Variants in TCERG1L observed in about 807,000 individuals in gnomAD.
The protein encoded by TCERG1L is transcription elongation regulator 1 like.
TCERG1L carries 37 observed loss-of-function variants against 56.3 expected under a neutral mutation model. The ratio of observed to expected loss-of-function variants is 0.66; its 90% CI spans 0.51 to 0.87. The LOEUF (loss-of-function observed/expected upper bound fraction) is 0.87, where lower values mean the gene tolerates loss of function less well. TCERG1L is among the 40% of genes least tolerant of loss of function. TCERG1L has a pLI of 0.00. For synonymous variants in TCERG1L, 324 were observed against 326.3 expected, an observed-to-expected ratio of 0.99 and a Z score of 0.08; for missense variants, 799 against 774.2, an observed-to-expected ratio of 1.03 and a Z score of -0.38.
intron 4 of TCERG1L, among the ~76,000 whole-genome samples, chr10:131,170,916 G>A (rs1200361467): frequency 1.3e-5 from 2 of 152,168 alleles, no homozygotes; most frequent in Non-Finnish European, 2.9e-5. Flanking sequence ...GGGAGGCCGA[G>A]GTGGGCGGAT....
At chr10:131,104,837 A>C (rs1282821611) in intron 9 of TCERG1L, among the ~76,000 whole-genome samples, 7 of 152,264 alleles carry the variant, frequency 4.6e-5, no homozygotes, top group Non-Finnish European at 1.0e-4. Context: ...GACGTACTAA[A>C]AATTTGCAAG....
At chr10:131,234,330 A>G (rs1471728224) in intron 4 of TCERG1L, among the ~76,000 whole-genome samples, 1 of 152,256 alleles carries the variant, frequency 6.6e-6, no homozygotes, top group Non-Finnish European at 1.5e-5. Flanking sequence ...TAATTTTACC[A>G]ATGTAATTTC....
At chr10:131,107,956 T>TACAC (rs59364659) in intron 9 of TCERG1L, among the ~76,000 whole-genome samples, 24,457 of 146,730 alleles carry the variant, frequency 0.17, 2,195 homozygotes, top group South Asian at 0.28. Context: ...CATGTGTGCC[T>TACAC]ACACACACAC....
Position 131,311,018 on chromosome 10 carries a change from T to C in TCERG1L, c.342+276A>G, listed in dbSNP as rs1846885616. ...GACCCCCGGCGTGGCGCGAGTTCCC[T>C]GCGGTCCCCACGCGGGCCTGGGCGG... On this transcript the variant is annotated intron_variant, in intron 1 of 11. Coordinates refer to ENST00000368642, the MANE Select transcript of TCERG1L (RefSeq NM_174937.4). The surrounding 1 kb of genome is among the most constrained non-coding windows in gnomAD (Gnocchi z 4.0). 6.6e-6 allele frequency among the ~76,000 whole-genome samples: 1 copy of C among 152,170 alleles called. No homozygotes were observed. The highest frequency in any genetic ancestry group is 1.5e-5 in the Non-Finnish European group (1 of 68,020).
chr10:131,108,171 A>G lies in TCERG1L; in HGVS notation c.1396-3817T>C, dbSNP rs535126334. Among the ~76,000 whole-genome samples, 3 of 152,330 alleles carry G rather than the reference A, an allele frequency of 2.0e-5. No individual in the cohort carries two copies. In the South Asian group the frequency reaches 6.2e-4, roughly 32 times the overall value. ...TGTTTCTGGCTGGTACCTGTCCAGA[A>G]TGACTGGAATGCACTGGGAATGCAA... On this transcript the variant is annotated intron_variant, in intron 9 of 11. Coordinates refer to ENST00000368642, the MANE Select transcript of TCERG1L (RefSeq NM_174937.4).
chr10:131,215,905 C>A (rs1278321889), intron 4 of TCERG1L, among the ~76,000 whole-genome samples: 1 of 152,176 alleles, frequency 6.6e-6, no homozygotes, highest in Admixed American at 6.5e-5. Flanking sequence ...GAGCAACCAG[C>A]TTGCCACTTG....
rs376352114 is a variant in TCERG1L, at chr10:131,192,743, G to A, written c.857-25858C>T. ...GCTGGAGTCCATTATTCTAAGTGAA[G>A]TAGTAACACAGGAGTGGAAAACCAA... On this transcript the variant is annotated intron_variant, in intron 4 of 11. Coordinates refer to ENST00000368642, the MANE Select transcript of TCERG1L (RefSeq NM_174937.4). 2.0e-4 allele frequency among the ~76,000 whole-genome samples: 29 copies of A among 144,686 alleles called. No homozygotes were observed. In the East Asian group the frequency reaches 4.1e-3, roughly 20 times the overall value. The allele number at this position is 144,686 out of a possible 152,430, so 94.9% of individuals were successfully genotyped here.
At chr10:131,229,681 T>G (rs959663676) in intron 4 of TCERG1L, among the ~76,000 whole-genome samples, 1 of 152,018 alleles carries the variant, frequency 6.6e-6, no homozygotes, top group African/African-American at 2.4e-5. Flanking sequence ...GCATATAGAA[T>G]AGTTACCTCC....
chr10:131,145,904 C>T (rs11017755), intron 7 of TCERG1L, among the ~76,000 whole-genome samples: 35,423 of 152,174 alleles, frequency 0.23, 5,016 homozygotes, highest in Admixed American at 0.35. Context: ...TAGATCTAAT[C>T]GGAAAAGATC....
chr10:131,160,412 C>T (rs1442281121), intron 6 of TCERG1L, among the ~76,000 whole-genome samples: 1 of 151,824 alleles, frequency 6.6e-6, no homozygotes, highest in Non-Finnish European at 1.5e-5. Flanking sequence ...CCCTACACCC[C>T]GCCACTCCCT....
intron 4 of TCERG1L, among the ~76,000 whole-genome samples, chr10:131,251,304 T>TC (rs1846108087): frequency 9.8e-6 from 1 of 101,968 alleles, no homozygotes; most frequent in African/African-American, 4.1e-5. Flanking sequence ...CTCTGCCCCC[T>TC]CCCCCCGGCC....
At chr10:131,277,613 C>T (rs989943043) in intron 3 of TCERG1L, among the ~76,000 whole-genome samples, 1 of 152,190 alleles carries the variant, frequency 6.6e-6, no homozygotes, top group Non-Finnish European at 1.5e-5. Flanking sequence ...CTCAGGTTCT[C>T]GTCTGGGGAG....
chr10:131,311,526 G>A lies in TCERG1L; in HGVS notation c.110C>T (p.Pro37Leu). 1.7e-6 allele frequency: 2 copies of A among 1,198,490 alleles called. No homozygotes were observed. Among genetic ancestry groups the A allele is most frequent in the Admixed American group, 4.3e-5 (1 of 23,526 alleles). 74.2% of individuals were successfully genotyped at this position (1,198,490 alleles called of 1,614,324 possible). A position where few individuals can be genotyped will look rare whatever the true frequency, so the allele number is the denominator to read the frequency against. Residue 37 changes from proline to leucine, a missense_variant, in exon 1 of 12, where the codon CCG becomes CTG. Coordinates refer to ENST00000368642, the MANE Select transcript of TCERG1L (RefSeq NM_174937.4). The surrounding 1 kb of genome is among the most constrained non-coding windows in gnomAD (Gnocchi z 4.0). ...GCCCGGCACCATCCAGACCCAGGGC[G>A]GCGGCGGCGGCGGCTCTGCGTCCAT... is the stretch of plus-strand genomic sequence containing the variant. The part of the protein sequence containing the change: ...WPMDAEPPPP[P>L]PWVWMVPGSA...
chr10:131,228,195 G>C (rs1248917995), intron 4 of TCERG1L, among the ~76,000 whole-genome samples: 1 of 142,230 alleles, frequency 7.0e-6, no homozygotes. Flanking sequence ...AAGGCCTCAC[G>C]AGTCTCCCCT....
intron 3 of TCERG1L, among the ~76,000 whole-genome samples, chr10:131,288,252 A>G (rs1846567733): frequency 6.6e-6 from 1 of 152,320 alleles, no homozygotes; most frequent in East Asian, 1.9e-4. Flanking sequence ...ATTCAGAATG[A>G]TTTATCTGTT....
In TCERG1L at chr10:131,281,858, C is replaced by T. The variant is rs200700986; in HGVS notation, c.671-21414G>A. On this transcript the variant is annotated intron_variant, in intron 3 of 11. Transcript: ENST00000368642. ...TGAGACCAATGAAAACCCTTCTGGC[C>T]GGGCGCGGTGGCTCACGCCTGTAAT... 1.3e-3 allele frequency among the ~76,000 whole-genome samples: 194 copies of T among 144,780 alleles called. 1 individual carries two copies. The highest frequency in any genetic ancestry group is 0.011 in the East Asian group (59 of 5,166). The allele number at this position is 144,780 out of a possible 152,430, so 95.0% of individuals were successfully genotyped here.
chr10:131,174,591 C>T (rs1846128081), intron 4 of TCERG1L, among the ~76,000 whole-genome samples: 1 of 152,234 alleles, frequency 6.6e-6, no homozygotes. Flanking sequence ...CCTCGTTGAA[C>T]TCCACTATAA....
intron 4 of TCERG1L, among the ~76,000 whole-genome samples, chr10:131,238,954 C>CT (rs1845943964): frequency 6.6e-6 from 1 of 152,224 alleles, no homozygotes; most frequent in South Asian, 2.1e-4. Flanking sequence ...GTGCCTGCTG[C>CT]TCTCCTGCCT....
intron 4 of TCERG1L, among the ~76,000 whole-genome samples, chr10:131,175,455 G>A (rs570533080): frequency 1.3e-5 from 2 of 149,582 alleles, no homozygotes; most frequent in Admixed American, 6.7e-5. Flanking sequence ...GCAGCCCACC[G>A]CAGGGGCAGG....
Sources: allele counts gnomAD v4.1 joint callset (sites outside exome capture counted in the v4.1 genomes callset), GRCh38; gene constraint gnomAD v4.1.1; non-coding constraint Gnocchi (gnomAD v3.1); transcripts MANE v1.5; gene names NCBI Gene and HGNC (gene_info 2026-07-23, HGNC 2026-07-21).